TGFBR3: variants seen among roughly 807,000 people sequenced by gnomAD.
TGFBR3 encodes transforming growth factor beta receptor type 3.
Under a neutral mutation model 87.9 loss-of-function variants are expected in TGFBR3, and 46 were observed. The ratio of observed to expected loss-of-function variants is 0.52; its 90% CI spans 0.41 to 0.67. The LOEUF is 0.67. Ranked by LOEUF, TGFBR3 falls within the 30% of genes least tolerant of loss-of-function variation. The pLI, the probability that TGFBR3 is intolerant of heterozygous loss-of-function variation, is 0.00. For missense variants in TGFBR3, 866 were observed against 1,041.9 expected (o/e 0.83, Z 2.32); for synonymous variants, 381 against 391.6 (o/e 0.97, Z 0.32).
At position 91,898,358 on chromosome 1, in the gene TGFBR3, A is replaced by G. The variant is rs12161491; in HGVS notation, c.-114+1279T>C. On this transcript the variant is annotated intron_variant, in intron 2 of 17. Transcript: ENST00000370399. ...TTTCCAATGCCCACCAAGGAGAAAA[A>G]CAAAACAAATAAATAAAAACGTTAC... Among the ~76,000 whole-genome samples, 25 of 132,840 alleles carry G rather than the reference A, an allele frequency of 1.9e-4. No homozygotes were observed. In the East Asian group the frequency reaches 5.0e-3, roughly 27 times the overall value. 87.1% of individuals were successfully genotyped at this position (132,840 alleles called of 152,430 possible). A position where few individuals can be genotyped will look rare whatever the true frequency, so the allele number is the denominator to read the frequency against.
Position 91,681,989 on chromosome 1 carries a change from A to G in TGFBR3, c.*1750T>C, listed in dbSNP as rs2100675277. 2.2e-6 allele frequency: 1 copy of G among 453,924 alleles called. No individual in the cohort carries two copies. The highest frequency in any genetic ancestry group is 2.3e-5 in the Admixed American group (1 of 42,556). The allele number at this position is 453,924 out of a possible 1,614,324, so 28.1% of individuals were successfully genotyped here. ...TAGAAATTTTTCAGTAGATCAATGT[A>G]GATAGCCTGGAAATCTCAGCCCTAA... On this transcript the variant is annotated 3_prime_UTR_variant, in exon 17 of 17. Transcript: ENST00000212355.
chr1:91,853,280 A>AAAAG (rs1553173316), intron 2 of TGFBR3, among the ~76,000 whole-genome samples: 2 of 149,812 alleles, frequency 1.3e-5, no homozygotes, highest in African/African-American at 2.5e-5. Context: ...AAAAAAAAAA[A>AAAAG]AAGAAGAAGA....
chr1:91,842,475 T>C (rs1677322519), intron 2 of TGFBR3, among the ~76,000 whole-genome samples: 1 of 152,194 alleles, frequency 6.6e-6, no homozygotes, highest in Non-Finnish European at 1.5e-5. Flanking sequence ...CATTCATCTT[T>C]ACCCTGTAAC....
intron 2 of TGFBR3, among the ~76,000 whole-genome samples, chr1:91,814,010 C>A (rs1307284213): frequency 6.6e-6 from 1 of 152,218 alleles, no homozygotes; most frequent in Non-Finnish European, 1.5e-5. Flanking sequence ...TGCTCACTCA[C>A]CCGCTGCTCA....
At chr1:91,904,971 A>G (rs1022380519) in intron 1 of TGFBR3, among the ~76,000 whole-genome samples, 1 of 152,148 alleles carries the variant, frequency 6.6e-6, no homozygotes, top group Non-Finnish European at 1.5e-5. Flanking sequence ...AAATGCTGGG[A>G]TTACAGGCAT....
At chr1:91,822,254 T>C (rs1243213597) in intron 2 of TGFBR3, among the ~76,000 whole-genome samples, 5 of 139,748 alleles carry the variant, frequency 3.6e-5, no homozygotes, top group African/African-American at 1.4e-4. Flanking sequence ...ATTTCCAGTA[T>C]CTCCTAGTGC....
At chr1:91,840,863 T>G (rs186088261) in intron 2 of TGFBR3, among the ~76,000 whole-genome samples, 48 of 151,808 alleles carry the variant, frequency 3.2e-4, no homozygotes, top group African/African-American at 1.0e-3. Context: ...CAGGCTGGAG[T>G]GCAATGGCAC....
At chr1:91,835,625 G>A (rs2810903) in intron 2 of TGFBR3, among the ~76,000 whole-genome samples, 17,736 of 151,792 alleles carry the variant, frequency 0.12, 1,311 homozygotes, top group East Asian at 0.38. Context: ...TCAGGAGATC[G>A]AGACCATCCT....
intron 8 of TGFBR3, 67 bp from the exon 9 acceptor site, chr1:91,720,297 G>C: frequency 7.0e-7 from 1 of 1,431,172 alleles, no homozygotes; most frequent in South Asian, 1.2e-5. Flanking sequence ...ATCATTACAG[G>C]CAGAACAGGA....
intron 2 of TGFBR3, among the ~76,000 whole-genome samples, chr1:91,821,625 G>A (rs186609298): frequency 7.2e-5 from 11 of 152,182 alleles, no homozygotes; most frequent in African/African-American, 2.4e-4. Flanking sequence ...CAGTGACAAC[G>A]CCCTCTCATA....
intron 1 of TGFBR3, among the ~76,000 whole-genome samples, chr1:91,877,986 A>G (rs915849730): frequency 1.3e-5 from 2 of 152,236 alleles, no homozygotes; most frequent in African/African-American, 4.8e-5. Flanking sequence ...TCCCACACAC[A>G]TAGGGAAGAC....
chr1:91,690,674 T>C (rs1173822992), intron 16 of TGFBR3, among the ~76,000 whole-genome samples: 1 of 152,148 alleles, frequency 6.6e-6, no homozygotes, highest in African/African-American at 2.4e-5. Context: ...CCAAATATAA[T>C]TTGTTGCCAT....
intron 4 of TGFBR3, among the ~76,000 whole-genome samples, chr1:91,738,937 C>T (rs375901869): frequency 1.7e-4 from 26 of 152,194 alleles, no homozygotes; most frequent in East Asian, 1.5e-3. Flanking sequence ...CTAAAGGAGA[C>T]GAAAGAACAA....
chr1:91,752,763 C>T (rs529369318), intron 4 of TGFBR3, among the ~76,000 whole-genome samples: 1 of 152,096 alleles, frequency 6.6e-6, no homozygotes, highest in South Asian at 2.1e-4. Context: ...TGGCTCACAC[C>T]TGTAATCCCA....
At chr1:91,812,556 G>T (rs1235411829) in intron 2 of TGFBR3, among the ~76,000 whole-genome samples, 4 of 152,150 alleles carry the variant, frequency 2.6e-5, no homozygotes, top group African/African-American at 9.7e-5. Context: ...ATTAAAACTT[G>T]ATGTGATTTC....
Position 91,861,606 on chromosome 1 carries a change from A to G in TGFBR3, c.-75T>C. The G allele has an allele frequency of 8.3e-7, 1 of 1,211,032 alleles. No individual in the cohort carries two copies. The highest frequency in any genetic ancestry group is 1.2e-6 in the Non-Finnish European group (1 of 813,836). 75.0% of individuals were successfully genotyped at this position (1,211,032 alleles called of 1,614,324 possible). ...AGCACAGACAATCTTTGCAAATCAGAAGTAGTCTTAAAGTCCCTCCTTGCA... is the reference window on the plus strand; with the variant it reads ...AGCACAGACAATCTTTGCAAATCAGGAGTAGTCTTAAAGTCCCTCCTTGCA... On this transcript the variant is annotated 5_prime_UTR_variant, in exon 2 of 17. Transcript: ENST00000212355.
In TGFBR3 at chr1:91,903,297, C is replaced by T. The variant is rs569112429; in HGVS notation, c.-175+2529G>A. ...GAGGTTGCAGTGAGCCAAGATCACA[C>T]CACTGCACTTCAGCCTGGGAGACAG... On this transcript the variant is annotated intron_variant, in intron 1 of 17. Coordinates refer to the TGFBR3 transcript ENST00000370399. Among the ~76,000 whole-genome samples, 424 of 125,650 alleles carry T rather than the reference C, an allele frequency of 3.4e-3. 3 individuals carry two copies. Among genetic ancestry groups the T allele is most frequent in the South Asian group, 7.6e-3 (29 of 3,802 alleles). 82.4% of individuals were successfully genotyped at this position (125,650 alleles called of 152,430 possible).
At chr1:91,761,507 A>G (rs745313031) in intron 3 of TGFBR3, among the ~76,000 whole-genome samples, 3 of 152,222 alleles carry the variant, frequency 2.0e-5, no homozygotes, top group Non-Finnish European at 4.4e-5. Context: ...AAAGAAAAAT[A>G]CCCAATAGTT....
intron 1 of TGFBR3, among the ~76,000 whole-genome samples, chr1:91,878,799 T>C (rs1347652401): frequency 6.6e-6 from 1 of 152,232 alleles, no homozygotes; most frequent in African/African-American, 2.4e-5. Flanking sequence ...ATTATGTGCC[T>C]GGAAGGACAG....
Sources: allele counts gnomAD v4.1 joint callset (sites outside exome capture counted in the v4.1 genomes callset), GRCh38; gene constraint gnomAD v4.1.1; transcripts MANE v1.5; gene names NCBI Gene and HGNC (gene_info 2026-07-23, HGNC 2026-07-21).